INPP5B: variants seen among roughly 807,000 people sequenced by gnomAD.
The protein encoded by INPP5B is type II inositol 1,4,5-trisphosphate 5-phosphatase.
A neutral mutation model predicts 118.5 loss-of-function variants in INPP5B; 90 were observed. The ratio of observed to expected loss-of-function variants is 0.76; its 90% confidence interval spans 0.64 to 0.90. The LOEUF is 0.90. INPP5B is among the 40% of genes least tolerant of loss of function. The pLI is 0.00. For missense variants in INPP5B, 984 were observed against 1,125.6 expected, an observed-to-expected ratio of 0.87 and a Z score of 1.80; for synonymous variants, 385 against 418.9, an observed-to-expected ratio of 0.92 and a Z score of 0.99.
At chr1:37,897,362 GGA>G (rs1279139312) in intron 7 of INPP5B, among the ~76,000 whole-genome samples, 6 of 150,274 alleles carry the variant, frequency 4.0e-5, no homozygotes, top group African/African-American at 9.8e-5. Flanking sequence ...GGTAGACATG[GGA>G]GACTTTTCAT....
At chr1:37,912,643 G>A (rs148288690) in intron 7 of INPP5B, among the ~76,000 whole-genome samples, 125 of 152,118 alleles carry the variant, frequency 8.2e-4, no homozygotes, top group African/African-American at 2.7e-3. Context: ...CCATTGTAGC[G>A]GATATCTCCT....
In INPP5B at chr1:37,926,179, T is replaced by C. The variant is rs551547011; in HGVS notation, c.532+5734A>G. ...CCTTTATGTTACCCTGAGATATAAA[T>C]AGCATTCATTTCCTTTCACTGGCAT... On this transcript the variant is annotated intron_variant, in intron 7 of 23. Coordinates refer to ENST00000373024, the MANE Select transcript of INPP5B (RefSeq NM_005540.3). Among the ~76,000 whole-genome samples the C allele has an allele frequency of 9.2e-5, 14 of 152,372 alleles. No homozygotes were observed. The East Asian group carries it at 2.7e-3, about 29-fold the overall frequency.
chr1:37,935,758 T>C (rs1645660632), intron 6 of INPP5B, among the ~76,000 whole-genome samples: 1 of 151,928 alleles, frequency 6.6e-6, no homozygotes, highest in South Asian at 2.1e-4. Context: ...GCCTTATCAC[T>C]CTCCAGCTTA....
At chr1:37,883,521 C>T in intron 13 of INPP5B, 2 of 985,392 alleles carry the variant, frequency 2.0e-6, no homozygotes, top group South Asian at 9.4e-5. Flanking sequence ...CCTGATGACA[C>T]TGTACATCTC....
intron 2 of INPP5B, 149 bp downstream of exon 2, chr1:37,946,103 C>A: frequency 1.3e-6 from 1 of 779,920 alleles, no homozygotes; most frequent in South Asian, 1.7e-5. Context: ...GCTGAGAGTC[C>A]AGGACTCAGT....
At chr1:37,871,287 G>A (rs1430214375) in intron 19 of INPP5B, among the ~76,000 whole-genome samples, 1 of 146,978 alleles carries the variant, frequency 6.8e-6, no homozygotes, top group Non-Finnish European at 1.5e-5. Context: ...GCAAAACCCC[G>A]TCTCTATAGA....
intron 7 of INPP5B, among the ~76,000 whole-genome samples, chr1:37,911,367 G>A (rs28868665): frequency 0.094 from 14,335 of 151,974 alleles, 1,710 homozygotes; most frequent in African/African-American, 0.27. Flanking sequence ...ACATTATTCC[G>A]GATACCACAC....
intron 13 of INPP5B, chr1:37,884,240 C>G (rs1391785111): frequency 6.6e-6 from 1 of 152,132 alleles, no homozygotes; most frequent in Non-Finnish European, 1.5e-5. Flanking sequence ...AAATCTTAAG[C>G]AGAACTCAGA....
At chr1:37,924,260 T>C (rs1373317901) in intron 7 of INPP5B, among the ~76,000 whole-genome samples, 1 of 151,682 alleles carries the variant, frequency 6.6e-6, no homozygotes, top group African/African-American at 2.4e-5. Context: ...CCTCCACCTC[T>C]GGGGTTCAAG....
intron 7 of INPP5B, among the ~76,000 whole-genome samples, chr1:37,919,240 G>A (rs112028099): frequency 6.6e-6 from 1 of 152,284 alleles, no homozygotes; most frequent in African/African-American, 2.4e-5. Context: ...TGTCACTGCT[G>A]GGTGGAGATC....
At chr1:37,916,404 TTC>T (rs772150724) in intron 7 of INPP5B, among the ~76,000 whole-genome samples, 52 of 73,260 alleles carry the variant, frequency 7.1e-4, no homozygotes, top group Admixed American at 2.7e-3. Context: ...CTTTTTCTTT[TTC>T]TTTCATTTTT....
At chr1:37,872,536 C>A (rs548244371) in intron 19 of INPP5B, among the ~76,000 whole-genome samples, 3 of 151,796 alleles carry the variant, frequency 2.0e-5, no homozygotes, top group Non-Finnish European at 2.9e-5. Flanking sequence ...TTGCCACTAC[C>A]TACAGAAGAC....
At chr1:37,880,469 G>A (rs983449265) in intron 14 of INPP5B, among the ~76,000 whole-genome samples, 4 of 147,798 alleles carry the variant, frequency 2.7e-5, no homozygotes, top group Admixed American at 6.7e-5. Context: ...ACGGAGTCTC[G>A]CTCTGTCACC....
intron 7 of INPP5B, among the ~76,000 whole-genome samples, chr1:37,911,421 T>A (rs1426767536): frequency 2.6e-5 from 4 of 152,130 alleles, no homozygotes; most frequent in Non-Finnish European, 5.9e-5. Flanking sequence ...TGACATTCAC[T>A]CCATTTCCCC....
chr1:37,890,636 G>C (rs1216434429), intron 8 of INPP5B, among the ~76,000 whole-genome samples: 1 of 152,046 alleles, frequency 6.6e-6, no homozygotes, highest in Non-Finnish European at 1.5e-5. Context: ...AGTCAGGAAA[G>C]AGTAAATAAA....
intron 15 of INPP5B, chr1:37,878,569 T>C: frequency 2.4e-6 from 2 of 837,348 alleles, no homozygotes; most frequent in Non-Finnish European, 2.9e-6. Flanking sequence ...ATCTTTATCC[T>C]CCTATGAGAA....
chr1:37,912,655 G>A (rs1428204965), intron 7 of INPP5B, among the ~76,000 whole-genome samples: 1 of 152,006 alleles, frequency 6.6e-6, no homozygotes, highest in Non-Finnish European at 1.5e-5. Flanking sequence ...ATATCTCCTG[G>A]TACTATCCCC....
At chr1:37,926,774 C>T (rs922044313) in intron 7 of INPP5B, among the ~76,000 whole-genome samples, 5 of 152,096 alleles carry the variant, frequency 3.3e-5, no homozygotes, top group Admixed American at 2.0e-4. Flanking sequence ...TGCAGGTGAA[C>T]ATTTTACAGA....
intron 7 of INPP5B, among the ~76,000 whole-genome samples, chr1:37,926,991 A>T (rs1009829869): frequency 1.3e-5 from 2 of 152,184 alleles, no homozygotes; most frequent in Non-Finnish European, 2.9e-5. Context: ...AAGAAAAAAG[A>T]TGTTAAGAAC....
Sources: gnomAD v4.1 joint callset for allele counts (sites outside exome capture counted in the v4.1 genomes callset) on GRCh38, gnomAD v4.1.1 for gene constraint, MANE v1.5 for transcripts, NCBI Gene and HGNC (gene_info 2026-07-23, HGNC 2026-07-21) for gene names.